SURF6: variants seen among roughly 807,000 people sequenced by gnomAD.
SURF6 encodes the protein surfeit 6.
A neutral mutation model predicts 37.5 loss-of-function variants in SURF6; 28 were observed. That is an observed-to-expected ratio of 0.75 (90% CI 0.55 to 1.02). The LOEUF is 1.02. Ranked by LOEUF, SURF6 falls within the 50% of genes least tolerant of loss-of-function variation. The pLI, the probability that SURF6 is intolerant of heterozygous loss-of-function variation, is 0.00. For missense variants in SURF6, 560 were observed against 490.5 expected, an observed-to-expected ratio of 1.14 and a Z score of -1.34; for synonymous variants, 248 against 210.9, an observed-to-expected ratio of 1.18 and a Z score of -1.52.
Position 133,336,060 on chromosome 9 carries a change from C to T in SURF6, c.73G>A (p.Glu25Lys). 7 of 1,612,282 alleles carry T rather than the reference C, an allele frequency of 4.3e-6. No individual in the cohort carries two copies. Among genetic ancestry groups the T allele is most frequent in the African/African-American group, 1.3e-5 (1 of 75,002 alleles). ...TTACCCCGCGTGCGCGCCTGCTGTT[C>T]CGGGGCCGAATGGGAGCAGATCTTC... ...AKKICSHSAP[E>K]QQARTRAGKT... The change falls in exon 1 of 5, where the codon GAA (glutamate) becomes AAA (lysine). Residue 25 changes from glutamate (E) to lysine (K), a missense_variant. Coordinates refer to ENST00000372022, the MANE Select transcript of SURF6 (RefSeq NM_006753.6).
chr9:133,331,687 T>C lies in SURF6; in HGVS notation c.*182A>G, dbSNP rs950820323. 9.1e-6 allele frequency: 7 copies of C among 773,046 alleles called. No individual in the cohort carries two copies. The highest frequency in any genetic ancestry group is 1.3e-5 in the Non-Finnish European group (7 of 557,972). The allele number at this position is 773,046 out of a possible 1,614,324, so 47.9% of individuals were successfully genotyped here. On this transcript the variant is annotated 3_prime_UTR_variant, in exon 5 of 5. Transcript: ENST00000372022. ...CTGCGTTCAAGGATGACGCTGAAAC[T>C]CTCTCTTTCTCACATGGGATCTGTG...
chr9:133,334,453 C>T lies in SURF6; in HGVS notation c.243G>A (p.Arg81=). 1.2e-6 allele frequency: 2 copies of T among 1,614,104 alleles called. No individual in the cohort carries two copies. The highest frequency in any genetic ancestry group is 1.7e-6 in the Non-Finnish European group (2 of 1,180,040). ...GEKSPAASGA[R]RPEAAKEEAA... ...CTTCCTCTTTGGCTGCCTCAGGCCT[C>T]CTGGCCCCAGAGGCTGCTGGAGATT... The change falls in exon 2 of 5, where the codon AGG becomes AGA. Residue 81 remains arginine, a synonymous_variant. Transcript: ENST00000372022.
Position 133,331,861 on chromosome 9 carries a change from G to A in SURF6, c.*8C>T. On this transcript the variant is annotated 3_prime_UTR_variant, in exon 5 of 5. Coordinates refer to ENST00000372022, the MANE Select transcript of SURF6 (RefSeq NM_006753.6). Reference sequence around the variant, plus strand: ...GGACGGAAGACGGCGGCCCCAGGTGGGAAAGACTCAGACCAGGCCTGCGCG... The same window carrying A: ...GGACGGAAGACGGCGGCCCCAGGTGAGAAAGACTCAGACCAGGCCTGCGCG... 6.7e-7 allele frequency: 1 copy of A among 1,498,150 alleles called. No individual in the cohort carries two copies. Among genetic ancestry groups the A allele is most frequent in the Non-Finnish European group, 8.8e-7 (1 of 1,134,018 alleles). The allele number at this position is 1,498,150 out of a possible 1,614,324, so 92.8% of individuals were successfully genotyped here.
In SURF6 at chr9:133,332,143, G is replaced by A; in HGVS notation, c.812C>T (p.Thr271Ile). Residue 271 changes from threonine (T) to isoleucine (I), a missense_variant, in exon 5 of 5, where the codon ACC (threonine) becomes ATC (isoleucine). Physicochemically the swap from Thr to Ile is moderately conservative, Grantham distance 89. Coordinates refer to ENST00000372022, the MANE Select transcript of SURF6 (RefSeq NM_006753.6). ...AQELEAKMKW[T>I]NLLYKAEGVK... ...GCCCTCCGCCTTGTAGAGGAGGTTG[G>A]TCCACTTCATCTTCGCCTCCAGCTC... 1.9e-6 allele frequency: 3 copies of A among 1,610,872 alleles called. No homozygotes were observed. The highest frequency in any genetic ancestry group is 2.5e-6 in the Non-Finnish European group (3 of 1,179,930).
Position 133,330,353 on chromosome 9 carries a change from C to CAG in SURF6, c.*1514_*1515dup, listed in dbSNP as rs1343338404. 1.3e-5 allele frequency: 2 copies of CAG among 152,204 alleles called. No individual in the cohort carries two copies. Among genetic ancestry groups the CAG allele is most frequent in the Non-Finnish European group, 2.9e-5 (2 of 68,042 alleles). 9.4% of individuals were successfully genotyped at this position (152,204 alleles called of 1,614,324 possible). ...CTGGGTTCAAGTGATTCTCCCGCCTCAGCCTCCCAAGCAGCTGGGACTACA... is the reference window on the plus strand; with the variant it reads ...CTGGGTTCAAGTGATTCTCCCGCCTCAGAGCCTCCCAAGCAGCTGGGACTACA... On this transcript the variant is annotated 3_prime_UTR_variant, in exon 5 of 5. Transcript: ENST00000372022.
At chr9:133,332,521 C>T (rs1472447876) in intron 4 of SURF6, 27 bp downstream of exon 4, 1 of 1,600,236 alleles carries the variant, frequency 6.2e-7, no homozygotes, top group Non-Finnish European at 8.5e-7. Context: ...CCGACCCAGC[C>T]CGCCCAAGGA....
rs2129925348 is a variant in SURF6 at position 133,333,890 on chromosome 9, T to C, written c.305-84A>G. ...AGGGCCACGAATCCCTGTCCCACTG[T>C]GGCCACTCATGGATCTGCAGGGCAA... On this transcript the variant is annotated intron_variant, in intron 2 of 4. Transcript: ENST00000372022. 3 of 1,118,336 alleles carry C rather than the reference T, an allele frequency of 2.7e-6. No homozygotes were observed. In the African/African-American group the frequency reaches 4.6e-5, roughly 17 times the overall value. 69.3% of individuals were successfully genotyped at this position (1,118,336 alleles called of 1,614,324 possible).
Position 133,330,583 on chromosome 9 carries a change from T to C in SURF6, c.*1286A>G, listed in dbSNP as rs1835700140. ...TTTCATTATCCTTTAGTCCCAAATA[T>C]TTCTAATAGCCATTCGGAATTCTTT... On this transcript the variant is annotated 3_prime_UTR_variant, in exon 5 of 5. Coordinates refer to ENST00000372022, the MANE Select transcript of SURF6 (RefSeq NM_006753.6). 6.6e-6 allele frequency: 1 copy of C among 152,196 alleles called. No individual in the cohort carries two copies. The highest frequency in any genetic ancestry group is 2.4e-5 in the African/African-American group (1 of 41,442). 9.4% of individuals were successfully genotyped at this position (152,196 alleles called of 1,614,324 possible). A position where few individuals can be genotyped will look rare whatever the true frequency, so the allele number is the denominator to read the frequency against.
chr9:133,335,934 T>G, intron 1 of SURF6, 105 bp downstream of exon 1: 4 of 851,632 alleles, frequency 4.7e-6, no homozygotes, highest in Non-Finnish European at 5.3e-6. Context: ...ATTTCACAAG[T>G]CACTTAGATT....
In SURF6 at chr9:133,334,502, T is replaced by C. The variant is rs2129927890; in HGVS notation, c.194A>G (p.His65Arg). The change falls in exon 2 of 5, where the codon CAC (histidine) becomes CGC (arginine). Residue 65 changes from histidine (H) to arginine (R), a missense_variant. By Grantham distance (29) the His-to-Arg change is conservative. Transcript: ENST00000372022. ...TTTCTCCCCCAAGGACTTGGCCTTG[T>C]GCTCAGCAGCCTTCTCTTCTCGCTT... is the stretch of plus-strand genomic sequence containing the variant. ...FRKREEKAAE[H>R]KAKSLGEKSP... 2 of 1,614,156 alleles carry C rather than the reference T, an allele frequency of 1.2e-6. No homozygotes were observed. The highest frequency in any genetic ancestry group is 8.5e-7 in the Non-Finnish European group (1 of 1,180,036).
rs1002051722 is a variant in SURF6, at chr9:133,329,978, C to T, written c.*1891G>A. ...ATATCGTGGAACTTCCCTGTAAAAC[C>T]GTCTAGGGGAACATTCTTAACTACT... On this transcript the variant is annotated 3_prime_UTR_variant, in exon 5 of 5. Coordinates refer to ENST00000372022, the MANE Select transcript of SURF6 (RefSeq NM_006753.6). 5 of 152,194 alleles carry T rather than the reference C, an allele frequency of 3.3e-5. No individual in the cohort carries two copies. The highest frequency in any genetic ancestry group is 1.9e-4 in the East Asian group (1 of 5,194). The allele number at this position is 152,194 out of a possible 1,614,324, so 9.4% of individuals were successfully genotyped here.
At chr9:133,333,565 A>G (rs2129923766) in intron 3 of SURF6, 153 bp downstream of exon 3, 11 of 215,060 alleles carry the variant, frequency 5.1e-5, no homozygotes, top group African/African-American at 2.6e-4. Flanking sequence ...AGGTTCTCCA[A>G]GAAAATAACT....
intron 3 of SURF6, 89 bp from the exon 4 acceptor site, chr9:133,332,849 A>G: frequency 7.5e-7 from 1 of 1,324,684 alleles, no homozygotes; most frequent in East Asian, 2.3e-5. Flanking sequence ...CAGGGCTGGA[A>G]GGCAGGTGAG....
chr9:133,332,230 C>G lies in SURF6; in HGVS notation c.725G>C (p.Arg242Pro), dbSNP rs782459268. The part of the protein sequence containing the change: ...TGRNYRQLLE[R>P]LQARQSRLDE... Reference sequence around the variant, plus strand: ...CAGCCGGCTCTGCCGTGCCTGCAGGCGCTCCAGCAGCTGCCGGTAGTTCCT... The same window carrying G: ...CAGCCGGCTCTGCCGTGCCTGCAGGGGCTCCAGCAGCTGCCGGTAGTTCCT... The change falls in exon 5 of 5, where the codon CGC becomes CCC. Residue 242 changes from arginine to proline, a missense_variant. Transcript: ENST00000372022. 6.2e-7 allele frequency: 1 copy of G among 1,606,190 alleles called. No individual in the cohort carries two copies. Among genetic ancestry groups the G allele is most frequent in the African/African-American group, 1.3e-5 (1 of 74,932 alleles).
rs1336792784 is a variant in SURF6, at chr9:133,330,977, T to A, written c.*892A>T. ...CTGGTAACAGTCACACCAGCTCCTGTTCAGTTACAGTCTTTGTCTCATAAC... is the reference window on the plus strand; with the variant it reads ...CTGGTAACAGTCACACCAGCTCCTGATCAGTTACAGTCTTTGTCTCATAAC... On this transcript the variant is annotated 3_prime_UTR_variant, in exon 5 of 5. Coordinates refer to ENST00000372022, the MANE Select transcript of SURF6 (RefSeq NM_006753.6). 1 of 152,222 alleles carries A rather than the reference T, an allele frequency of 6.6e-6. No homozygotes were observed. The highest frequency in any genetic ancestry group is 1.9e-4 in the East Asian group (1 of 5,200). 9.4% of individuals were successfully genotyped at this position (152,222 alleles called of 1,614,324 possible). A position where few individuals can be genotyped will look rare whatever the true frequency, so the allele number is the denominator to read the frequency against.
chr9:133,335,267 A>G (rs973368970), intron 1 of SURF6, among the ~76,000 whole-genome samples: 1 of 151,876 alleles, frequency 6.6e-6, no homozygotes, highest in African/African-American at 2.4e-5. Context: ...CAATGTTTAC[A>G]TTTTAAATGG....
At position 133,334,548 on chromosome 9, in the gene SURF6, TCTTC is replaced by T. The variant is rs1361935635; in HGVS notation, c.144_147del (p.Lys50HisfsTer148). 1.4e-5 allele frequency: 22 copies of T among 1,613,438 alleles called. No homozygotes were observed. The highest frequency in any genetic ancestry group is 1.9e-5 in the Non-Finnish European group (22 of 1,180,050). ...CGCTTCCGGAATTTCTTTTGTGTTT[TCTTC>T]CTTTTCTTTTTTGGGGGCCCTGCAG... On this transcript the variant is annotated frameshift_variant, in exon 2 of 5. Transcript: ENST00000372022. LOFTEE classifies it high-confidence loss of function.
intron 1 of SURF6, 86 bp from the exon 2 acceptor site, chr9:133,334,687 G>T: frequency 6.7e-7 from 1 of 1,490,326 alleles, no homozygotes; most frequent in Non-Finnish European, 9.1e-7. Context: ...TTTGATCCCA[G>T]GAAGATGCCG....
At position 133,336,034 on chromosome 9, in the gene SURF6, G is replaced by GT; in HGVS notation, c.94+4dup. ...CCTTAGTCCCGGCCCGGCCCTGTGC[G>GT]TTACCCCGCGTGCGCGCCTGCTGTT... On this transcript the variant is annotated splice_donor_region_variant and intron_variant, in intron 1 of 4. Transcript: ENST00000372022. 6.2e-7 allele frequency: 1 copy of GT among 1,610,094 alleles called. No individual in the cohort carries two copies. The highest frequency in any genetic ancestry group is 8.5e-7 in the Non-Finnish European group (1 of 1,179,624).
Sources: gnomAD v4.1 joint callset for allele counts (sites outside exome capture counted in the v4.1 genomes callset) on GRCh38, gnomAD v4.1.1 for gene constraint, MANE v1.5 for transcripts, NCBI Gene and HGNC (gene_info 2026-07-23, HGNC 2026-07-21) for gene names.